The following FAM120C variants were observed in gnomAD, a reference collection of about 807,000 sequenced individuals.
FAM120C encodes constitutive coactivator of PPAR-gamma-like protein 2.
Under a neutral mutation model 71.2 loss-of-function variants are expected in FAM120C, and 14 were observed. The ratio of observed to expected loss-of-function variants is 0.20; its 90% CI spans 0.13 to 0.31. FAM120C has a LOEUF of 0.31. Among genes scored for constraint, FAM120C ranks in the 10% least tolerant of loss-of-function variants. The pLI is 1.00. For synonymous variants in FAM120C, 354 were observed against 353.2 expected (o/e 1.00, Z -0.03); for missense variants, 500 against 879.0 (o/e 0.57, Z 5.45).
At position 54,134,886 on chromosome X, in the gene FAM120C, C is replaced by T. The variant is rs782558939; in HGVS notation, c.1561G>A (p.Asp521Asn). ...TCAGAGGAAGAGGAGTGGGAAGAGT[C>T]TGGTCCCAAAGGAGGTGAGGCTTTA... ...PSKASPPLGP[D>N]SSHSSSSDGD... Residue 521 changes from aspartate to asparagine, a missense_variant, in exon 7 of 16, where the codon GAC becomes AAC. Asp to Asn is a conservative substitution (Grantham distance 23). This residue lies in a region of FAM120C where 85 missense variants were observed against 84.9 expected (regional missense o/e 1.00). Coordinates refer to ENST00000375180, the MANE Select transcript of FAM120C (RefSeq NM_017848.6). 4 of 1,211,498 alleles carry T rather than the reference C, an allele frequency of 3.3e-6. No individual in the cohort carries two copies. In the South Asian group the frequency reaches 7.0e-5, roughly 21 times the overall value.
intron 1 of FAM120C, among the ~76,000 whole-genome samples, chrX:54,178,912 T>A (rs1263702129): frequency 1.8e-5 from 2 of 112,196 alleles, no homozygotes; most frequent in African/African-American, 3.2e-5. Context: ...ATCATAATCA[T>A]TCTAAAAAAG....
chrX:54,115,483 T>C (rs1354933263), intron 10 of FAM120C, among the ~76,000 whole-genome samples: 25 of 112,211 alleles, frequency 2.2e-4, no homozygotes, highest in Non-Finnish European at 1.1e-4. Flanking sequence ...AAACACGTAT[T>C]GTTCACAGGA....
intron 9 of FAM120C, among the ~76,000 whole-genome samples, chrX:54,129,119 CCCGGACGGGGCGG>C (rs1341594005): frequency 3.8e-5 from 4 of 105,381 alleles, no homozygotes; most frequent in Non-Finnish European, 5.9e-5. Flanking sequence ...CCACCTCCCT[CCCGGACGGGGCGG>C]CCGGCCGGGG....
Position 54,072,925 on chromosome X carries a change from C to A in FAM120C, c.*108G>T. 1.0e-6 allele frequency: 1 copy of A among 996,718 alleles called. No individual in the cohort carries two copies. The highest frequency in any genetic ancestry group is 1.3e-6 in the Non-Finnish European group (1 of 745,778). The allele number at this position is 996,718 out of a possible 1,213,427, so 82.1% of individuals were successfully genotyped here. A position where few individuals can be genotyped will look rare whatever the true frequency, so the allele number is the denominator to read the frequency against. On this transcript the variant is annotated 3_prime_UTR_variant, in exon 16 of 16. Coordinates refer to ENST00000375180, the MANE Select transcript of FAM120C (RefSeq NM_017848.6). ...CACAATAGGACATCCCACCAAAATC[C>A]TGGAGAAATCTAGGGTAAGCATTTA...
intron 1 of FAM120C, 36 bp from the exon 2 acceptor site, chrX:54,159,652 A>G: frequency 8.3e-7 from 1 of 1,201,139 alleles, no homozygotes; most frequent in Non-Finnish European, 1.1e-6. Flanking sequence ...ATGCCACAGA[A>G]CCTGATTTGT....
intron 4 of FAM120C, among the ~76,000 whole-genome samples, chrX:54,136,991 C>T (rs186151499): frequency 9.1e-6 from 1 of 109,436 alleles, no homozygotes; most frequent in East Asian, 2.8e-4. Context: ...CTCGCTCTGT[C>T]GCCCAGGCTA....
intron 4 of FAM120C, among the ~76,000 whole-genome samples, chrX:54,136,834 T>C (rs2067096856): frequency 9.0e-6 from 1 of 111,036 alleles, no homozygotes; most frequent in African/African-American, 3.3e-5. Flanking sequence ...TACAAAAAAA[T>C]ACAATGGGAT....
chrX:54,135,577 G>A lies in FAM120C; in HGVS notation c.1286C>T (p.Pro429Leu). 2 of 1,209,857 alleles carry A rather than the reference G, an allele frequency of 1.7e-6. No individual in the cohort carries two copies. Among genetic ancestry groups the A allele is most frequent in the Non-Finnish European group, 2.2e-6 (2 of 894,490 alleles). ...GCCCACTTGATTTCGTGGAAGGGGAGGATTTCCAAGCCTATTATTCCGAAA... is the reference window on the plus strand; with the variant it reads ...GCCCACTTGATTTCGTGGAAGGGGAAGATTTCCAAGCCTATTATTCCGAAA... ...LGFRNNRLGN[P>L]PLPRNQVGTI... The change falls in exon 6 of 16, where the codon CCT becomes CTT. Residue 429 changes from proline to leucine, a missense_variant. Pro to Leu is a moderately conservative substitution (Grantham distance 98, BLOSUM62 -3). This residue lies in a region of FAM120C where 55 missense variants were observed against 96.7 expected (regional missense o/e 0.57). Coordinates refer to ENST00000375180, the MANE Select transcript of FAM120C (RefSeq NM_017848.6).
chrX:54,100,652 T>A (rs1189079031), intron 10 of FAM120C, among the ~76,000 whole-genome samples: 1 of 111,741 alleles, frequency 8.9e-6, no homozygotes, highest in African/African-American at 3.2e-5. Flanking sequence ...AGAGACTCTG[T>A]CTTAAAACAA....
At chrX:54,164,093 G>A (rs1002763823) in intron 1 of FAM120C, among the ~76,000 whole-genome samples, 2 of 110,278 alleles carry the variant, frequency 1.8e-5, no homozygotes, top group African/African-American at 3.3e-5. Context: ...CACCAGGTCC[G>A]GCTAATTTTT....
intron 1 of FAM120C, chrX:54,171,905 T>G (rs2067290584): frequency 8.9e-6 from 1 of 112,315 alleles, no homozygotes. Context: ...AAAGGCTAAT[T>G]GAACAATATT....
intron 10 of FAM120C, 62 bp downstream of exon 10, chrX:54,116,483 T>C: frequency 8.8e-7 from 1 of 1,135,675 alleles, no homozygotes; most frequent in South Asian, 2.1e-5. Context: ...AGCAGGTGCT[T>C]AAAGGAAATA....
chrX:54,151,086 A>G (rs2067182519), intron 4 of FAM120C, among the ~76,000 whole-genome samples, 159 bp downstream of exon 4: 1 of 111,797 alleles, frequency 8.9e-6, no homozygotes, highest in Non-Finnish European at 1.9e-5. Flanking sequence ...CAGGCTGTGT[A>G]ATGTTTTTTA....
chrX:54,131,657 C>G (rs192057933), intron 9 of FAM120C, among the ~76,000 whole-genome samples: 5 of 111,780 alleles, frequency 4.5e-5, no homozygotes, highest in Admixed American at 2.8e-4. Flanking sequence ...AGGCTGGTCT[C>G]GAACTCCTGA....
chrX:54,157,584 G>T, intron 3 of FAM120C, 105 bp downstream of exon 3: 2 of 592,253 alleles, frequency 3.4e-6, no homozygotes, highest in South Asian at 2.9e-5. Context: ...TCTTTTGTAT[G>T]TATGTGAAAT....
In FAM120C at chrX:54,159,367, T is replaced by C. The variant is rs1232587400; in HGVS notation, c.946+3A>G. ...ACTGCAGTCTTTTCTTTGGATGACC[T>C]ACCTAGCAGTGCAGCAAATATGGGG... On this transcript the variant is annotated splice_donor_region_variant and intron_variant, in intron 2 of 15. Transcript: ENST00000375180. 8.3e-6 allele frequency: 10 copies of C among 1,209,688 alleles called. No individual in the cohort carries two copies. The African/African-American group carries it at 1.7e-4, about 21-fold the overall frequency.
At chrX:54,096,387 GGCCACA>G (rs2066851997) in intron 10 of FAM120C, among the ~76,000 whole-genome samples, 1 of 110,918 alleles carries the variant, frequency 9.0e-6, no homozygotes, top group Admixed American at 9.7e-5. Flanking sequence ...CTCCAGACTG[GGCCACA>G]GAGCGAGACT....
At chrX:54,179,372 G>GA (rs1253234300) in intron 1 of FAM120C, among the ~76,000 whole-genome samples, 3 of 112,092 alleles carry the variant, frequency 2.7e-5, no homozygotes, top group Non-Finnish European at 5.6e-5. Context: ...CCAAAGAGGG[G>GA]AGAGATACAG....
rs1408431975 is a variant in FAM120C, at chrX:54,070,565, T to C, written c.*2468A>G. The C allele has an allele frequency of 8.9e-6, 1 of 111,984 alleles. No individual in the cohort carries two copies. The highest frequency in any genetic ancestry group is 9.6e-5 in the Admixed American group (1 of 10,455). The allele number at this position is 111,984 out of a possible 1,213,427, so 9.2% of individuals were successfully genotyped here. On this transcript the variant is annotated 3_prime_UTR_variant, in exon 16 of 16. Transcript: ENST00000375180. The stretch of plus-strand genomic sequence containing the variant: ...TATCTCACAGCTCAGTGATACTGGT[T>C]GCTTTTAGAGCTCCAAAGGATTCAT...
Sources: allele counts gnomAD v4.1 joint callset (sites outside exome capture counted in the v4.1 genomes callset), GRCh38; gene constraint gnomAD v4.1.1; regional missense constraint gnomAD v4.1.1; transcripts MANE v1.5; gene names NCBI Gene and HGNC (gene_info 2026-07-23, HGNC 2026-07-21).